Variants in NPHP4 observed in about 807,000 individuals in gnomAD.
NPHP4 encodes the protein nephrocystin 4, also known as nephrocystin-4.
A neutral mutation model predicts 155.8 loss-of-function variants in NPHP4; 151 were observed. That is an observed-to-expected ratio of 0.97 (90% confidence interval 0.85 to 1.11). NPHP4 has a LOEUF of 1.11. NPHP4 is among the 50% of genes least tolerant of loss of function. The pLI is 0.00. For synonymous variants in NPHP4, 845 were observed against 816.8 expected (o/e 1.03, Z -0.59); for missense variants, 1,956 against 1,925.7 (o/e 1.02, Z -0.29).
chr1:5,913,843 C>G (rs1255408010), intron 11 of NPHP4, among the ~76,000 whole-genome samples: 1 of 152,212 alleles, frequency 6.6e-6, no homozygotes, highest in African/African-American at 2.4e-5. Flanking sequence ...TTCCTCCACC[C>G]CGAAGGAGAT....
intron 9 of NPHP4, among the ~76,000 whole-genome samples, chr1:5,933,874 G>A (rs958812981): frequency 6.6e-6 from 1 of 152,200 alleles, no homozygotes; most frequent in Non-Finnish European, 1.5e-5. Context: ...TAGCTTTCAG[G>A]AAATTGGGAA....
intron 16 of NPHP4, among the ~76,000 whole-genome samples, chr1:5,900,640 T>C (rs1644628841): frequency 6.6e-6 from 1 of 152,180 alleles, no homozygotes; most frequent in Admixed American, 6.5e-5. Flanking sequence ...TGTCATGTAT[T>C]TGTCAAAAAT....
rs567191285 is a variant in NPHP4 at position 5,891,752 on chromosome 1, G to A, written c.2144-724C>T. Reference sequence around the variant, plus strand: ...TGACAACATTCCCACAGCCCCCAACGAGCAGAGGAAGGAGCGAAGGTTTAC... The same window carrying A: ...TGACAACATTCCCACAGCCCCCAACAAGCAGAGGAAGGAGCGAAGGTTTAC... On this transcript the variant is annotated intron_variant, in intron 16 of 29. Transcript: ENST00000378156. Among the ~76,000 whole-genome samples the A allele has an allele frequency of 1.2e-3, 180 of 152,076 alleles. 2 individuals are homozygous for A. The highest frequency in any genetic ancestry group is 4.0e-3 in the African/African-American group (165 of 41,470).
intron 11 of NPHP4, among the ~76,000 whole-genome samples, chr1:5,921,264 C>A (rs766731511): frequency 6.6e-6 from 1 of 152,238 alleles, no homozygotes; most frequent in Admixed American, 6.5e-5. Context: ...GTCAGTTTAT[C>A]CATTCCCTGA....
At position 5,874,873 on chromosome 1, in the gene NPHP4, C is replaced by T; in HGVS notation, c.3044+1G>A. On this transcript the variant is annotated splice_donor_variant, in intron 21 of 29. Coordinates refer to ENST00000378156, the MANE Select transcript of NPHP4 (RefSeq NM_015102.5). LOFTEE classifies it high-confidence loss of function. ...CAGGACGGGCACCACTGAGACCTCA[C>T]CTGAGCTCGGGGTTGTCGATCTCCA... The T allele has an allele frequency of 6.2e-7, 1 of 1,613,164 alleles. No homozygotes were observed. Among genetic ancestry groups the T allele is most frequent in the South Asian group, 1.1e-5 (1 of 91,052 alleles).
chr1:5,903,794 G>C (rs1644784515), intron 16 of NPHP4, among the ~76,000 whole-genome samples: 1 of 152,204 alleles, frequency 6.6e-6, no homozygotes, highest in Admixed American at 6.5e-5. Flanking sequence ...TAACAAACAA[G>C]GGAGGTGTTC....
chr1:5,887,387 T>C lies in NPHP4; in HGVS notation c.2384A>G (p.Asn795Ser). The change falls in exon 18 of 30, where the codon AAC becomes AGC. Residue 795 changes from asparagine to serine, a missense_variant. Coordinates refer to ENST00000378156, the MANE Select transcript of NPHP4 (RefSeq NM_015102.5). ...CAGCATGTCTCCACTCACCACCATG[T>C]TGTCCTGCTCGTATTCAGTTGCCAC... ...EVVATEYEQD[N>S]MVVSGDMLGF... 2.5e-6 allele frequency: 4 copies of C among 1,613,560 alleles called. No individual in the cohort carries two copies. Among genetic ancestry groups the C allele is most frequent in the Non-Finnish European group, 3.4e-6 (4 of 1,179,884 alleles).
chr1:5,988,476 T>TA (rs1368852910), intron 1 of NPHP4, among the ~76,000 whole-genome samples: 4 of 152,242 alleles, frequency 2.6e-5, no homozygotes, highest in Admixed American at 6.5e-5. Flanking sequence ...TTGGTTTTTG[T>TA]AAAAAATGTT....
chr1:5,962,535 C>T (rs1650525700), intron 5 of NPHP4, among the ~76,000 whole-genome samples: 1 of 152,196 alleles, frequency 6.6e-6, no homozygotes, highest in African/African-American at 2.4e-5. Context: ...CTTGTATCCA[C>T]CAAGCCCCAA....
At chr1:5,986,601 T>C (rs1409486413) in intron 1 of NPHP4, among the ~76,000 whole-genome samples, 2 of 152,234 alleles carry the variant, frequency 1.3e-5, no homozygotes, top group African/African-American at 4.8e-5. Flanking sequence ...TAACACACTG[T>C]ATCTAGGGTG....
At chr1:5,894,110 T>C (rs34593923) in intron 16 of NPHP4, among the ~76,000 whole-genome samples, 22 of 152,366 alleles carry the variant, frequency 1.4e-4, no homozygotes, top group African/African-American at 5.1e-4. Context: ...TATTTTATTA[T>C]ACTGGAACAG....
intron 28 of NPHP4, 144 bp downstream of exon 28, chr1:5,864,194 C>T: frequency 1.8e-6 from 2 of 1,122,290 alleles, no homozygotes; most frequent in East Asian, 2.6e-5. Context: ...AGACACAGCA[C>T]AGGAGCAAAC....
chr1:5,981,109 C>T (rs1654611136), intron 2 of NPHP4, among the ~76,000 whole-genome samples: 1 of 152,194 alleles, frequency 6.6e-6, no homozygotes, highest in Non-Finnish European at 1.5e-5. Context: ...AAAGCTTCTG[C>T]ACGTGCCCCT....
rs1340219750 is a variant in NPHP4, at chr1:5,905,314, G to A, written c.1933C>T (p.Leu645=). 12 of 1,613,398 alleles carry A rather than the reference G, an allele frequency of 7.4e-6. No homozygotes were observed. The highest frequency in any genetic ancestry group is 1.0e-5 in the Non-Finnish European group (12 of 1,179,430). ...SDCLQSNEMV[L]QFLAFSRVAQ... ...TACCTGCTAAAGGCAAGAAACTGTA[G>A]CACCATCTCGTTGCTTTGTAGACAA... Residue 645 remains leucine, a synonymous_variant, in exon 15 of 30, where the codon CTA becomes TTA. Transcript: ENST00000378156. This position sits in a 1 kb window ranked among gnomAD's most constrained non-coding sequence, Gnocchi z 4.0.
Position 5,905,680 on chromosome 1 carries a change from G to A in NPHP4, c.1715C>T (p.Pro572Leu), listed in dbSNP as rs183722664. Residue 572 changes from proline (P) to leucine (L), a missense_variant, in exon 14 of 30, where the codon CCG (proline) becomes CTG (leucine). Pro to Leu is a moderately conservative substitution (Grantham distance 98, BLOSUM62 -3). Transcript: ENST00000378156. This position sits in a 1 kb window ranked among gnomAD's most constrained non-coding sequence, Gnocchi z 4.0. ...AATAGGGGCATGCAAAGGCGTGAAC[G>A]GCAGCTCCTGTAACTGTTCGGCAAT... The part of the protein sequence containing the change: ...TSIAEQLQEL[P>L]FTPLHAPIVV... The A allele has an allele frequency of 1.3e-5, 21 of 1,613,916 alleles. No individual in the cohort carries two copies. The highest frequency in any genetic ancestry group is 3.3e-5 in the Admixed American group (2 of 60,020).
intron 6 of NPHP4, among the ~76,000 whole-genome samples, chr1:5,953,137 C>T (rs1211718835): frequency 1.3e-5 from 2 of 152,166 alleles, no homozygotes; most frequent in Non-Finnish European, 2.9e-5. Flanking sequence ...GACGGAGTCT[C>T]GTTCTGTCGC....
chr1:5,876,734 T>C, intron 20 of NPHP4: 1 of 226,818 alleles, frequency 4.4e-6, no homozygotes, highest in Non-Finnish European at 8.5e-6. Context: ...GCCAGAATGA[T>C]TACATTGACA....
intron 5 of NPHP4, among the ~76,000 whole-genome samples, chr1:5,964,629 G>A (rs1651005178): frequency 6.6e-6 from 1 of 152,004 alleles, no homozygotes; most frequent in African/African-American, 2.4e-5. Context: ...ACTGTCCAGG[G>A]AGAAGGTGCC....
At chr1:5,915,019 C>G (rs185999714) in intron 11 of NPHP4, among the ~76,000 whole-genome samples, 1 of 152,316 alleles carries the variant, frequency 6.6e-6, no homozygotes, top group Admixed American at 6.5e-5. Context: ...GATGAGGGGT[C>G]CTAACAGAGG....
Sources: allele counts gnomAD v4.1 joint callset (sites outside exome capture counted in the v4.1 genomes callset), GRCh38; gene constraint gnomAD v4.1.1; non-coding constraint Gnocchi (gnomAD v3.1); transcripts MANE v1.5; gene names NCBI Gene and HGNC (gene_info 2026-07-23, HGNC 2026-07-21).